Variants in VIP observed in about 807,000 individuals in gnomAD.
The protein encoded by VIP is vasoactive intestinal peptide, also known as VIP peptides.
Under a neutral mutation model 20.1 loss-of-function variants are expected in VIP, and 18 were observed. The observed-to-expected ratio is 0.90, with a 90% CI of 0.62 to 1.33. The LOEUF (loss-of-function observed/expected upper bound fraction) is 1.33, where lower values mean the gene tolerates loss of function less well. VIP is among the 40% of genes most tolerant of loss of function. VIP has a pLI of 0.00. For synonymous variants in VIP, 70 were observed against 68.1 expected, an observed-to-expected ratio of 1.03 and a Z score of -0.14; for missense variants, 209 against 199.4, an observed-to-expected ratio of 1.05 and a Z score of -0.29.
At chr6:152,755,395 T>A (rs1479362707) in intron 4 of VIP, 22 bp downstream of exon 4, 1 of 1,356,370 alleles carries the variant, frequency 7.4e-7, no homozygotes, top group Admixed American at 2.2e-5. Context: ...TTATTATTTT[T>A]ATAAAATATG....
At chr6:152,755,007 T>C (rs1274368908) in intron 3 of VIP, among the ~76,000 whole-genome samples, 1 of 151,962 alleles carries the variant, frequency 6.6e-6, no homozygotes, top group African/African-American at 2.4e-5. Flanking sequence ...GATTCAACCA[T>C]GGAGGAATAT....
At chr6:152,755,638 C>A (rs1440667108) in intron 4 of VIP, among the ~76,000 whole-genome samples, 1 of 151,688 alleles carries the variant, frequency 6.6e-6, no homozygotes, top group South Asian at 2.1e-4. Context: ...TCAAATTGAA[C>A]AAGACTCAGT....
intron 2 of VIP, 92 bp from the exon 3 acceptor site, chr6:152,754,074 A>G (rs2099730050): frequency 7.3e-7 from 1 of 1,373,522 alleles, no homozygotes; most frequent in Non-Finnish European, 9.8e-7. Context: ...ACTTCCCAAG[A>G]GTCTAAGTAT....
Position 152,755,012 on chromosome 6 carries a change from G to A in VIP, c.231-257G>A, listed in dbSNP as rs185006101. On this transcript the variant is annotated intron_variant, in intron 3 of 6. Coordinates refer to ENST00000367244, the MANE Select transcript of VIP (RefSeq NM_003381.4). ...TAGTTATAAAGATTCAACCATGGAGGAATATTGAAATGTGCTCCTAGAAAT... is the reference window on the plus strand; with the variant it reads ...TAGTTATAAAGATTCAACCATGGAGAAATATTGAAATGTGCTCCTAGAAAT... Among the ~76,000 whole-genome samples the A allele has an allele frequency of 2.5e-3, 377 of 151,950 alleles. 3 individuals are homozygous for A. The highest frequency in any genetic ancestry group is 8.8e-3 in the African/African-American group (364 of 41,508).
Position 152,752,155 on chromosome 6 carries a change from T to C in VIP, c.-10-13T>C. On this transcript the variant is annotated splice_polypyrimidine_tract_variant and intron_variant, in intron 1 of 6. Coordinates refer to ENST00000367244, the MANE Select transcript of VIP (RefSeq NM_003381.4). ...CTTTGGCTGGAAGAACTGAGGTGAT[T>C]CTCTCTCTTTAGAGGCACAGAAATG... The C allele has an allele frequency of 6.3e-7, 1 of 1,599,462 alleles. No individual in the cohort carries two copies. Among genetic ancestry groups the C allele is most frequent in the Non-Finnish European group, 8.6e-7 (1 of 1,167,424 alleles).
chr6:152,756,388 C>T, intron 5 of VIP, 123 bp downstream of exon 5: 2 of 1,181,226 alleles, frequency 1.7e-6, no homozygotes, highest in South Asian at 1.9e-5. Flanking sequence ...GATTTTCAAC[C>T]TTGGCTGACA....
intron 2 of VIP, among the ~76,000 whole-genome samples, chr6:152,753,460 A>G (rs1394963993): frequency 1.3e-5 from 2 of 152,134 alleles, no homozygotes; most frequent in African/African-American, 4.8e-5. Context: ...CCATATATGC[A>G]TTTGACTATT....
Position 152,751,213 on chromosome 6 carries a change from A to G in VIP, c.-11+254A>G, listed in dbSNP as rs2099729572. Among the ~76,000 whole-genome samples the G allele has an allele frequency of 2.0e-5, 3 of 152,270 alleles. No homozygotes were observed. The South Asian group carries it at 6.2e-4, about 32-fold the overall frequency. Reference sequence around the variant, plus strand: ...TCTTTTACTGAATACTGATTTTTACAAATAATTCATTCAAGTAAAGTTTAC... The same window carrying G: ...TCTTTTACTGAATACTGATTTTTACGAATAATTCATTCAAGTAAAGTTTAC... On this transcript the variant is annotated intron_variant, in intron 1 of 6. Transcript: ENST00000367244.
chr6:152,754,925 T>G (rs913097032), intron 3 of VIP, among the ~76,000 whole-genome samples: 16 of 152,076 alleles, frequency 1.1e-4, no homozygotes, highest in East Asian at 1.9e-4. Context: ...CAAAGCACCA[T>G]GTACAAATAG....
intron 4 of VIP, 83 bp from the exon 5 acceptor site, chr6:152,756,051 G>A: frequency 7.3e-7 from 1 of 1,373,638 alleles, no homozygotes; most frequent in Non-Finnish European, 9.5e-7. Flanking sequence ...TGCTTTTTAT[G>A]TGGCTCCAAG....
intron 6 of VIP, among the ~76,000 whole-genome samples, chr6:152,758,259 GT>G (rs1030877192): frequency 6.6e-6 from 1 of 151,908 alleles, no homozygotes; most frequent in Non-Finnish European, 1.5e-5. Flanking sequence ...GTTATCTAAG[GT>G]TTTCAACAGT....
chr6:152,755,949 A>G (rs1026354694), intron 4 of VIP, among the ~76,000 whole-genome samples, 185 bp from the exon 5 acceptor site: 1 of 151,908 alleles, frequency 6.6e-6, no homozygotes, highest in African/African-American at 2.4e-5. Context: ...ATGCCAAAAT[A>G]TGGCAGATGA....
intron 2 of VIP, 73 bp downstream of exon 2, chr6:152,752,357 T>G (rs939083186): frequency 3.9e-6 from 5 of 1,285,192 alleles, no homozygotes; most frequent in Non-Finnish European, 4.4e-6. Context: ...TACATTTTGT[T>G]GGACAACTAA....
At chr6:152,752,408 A>G in intron 2 of VIP, 124 bp downstream of exon 2, 1 of 753,378 alleles carries the variant, frequency 1.3e-6, no homozygotes, top group Non-Finnish European at 2.0e-6. Context: ...TTTTTCCTTG[A>G]TGTGTTGAGT....
chr6:152,751,951 A>G (rs1241822814), intron 1 of VIP, among the ~76,000 whole-genome samples: 1 of 152,188 alleles, frequency 6.6e-6, no homozygotes, highest in Non-Finnish European at 1.5e-5. Context: ...GTGCCCAGAC[A>G]GCAGGTGAAA....
chr6:152,756,102 C>T (rs745379512), intron 4 of VIP, 32 bp from the exon 5 acceptor site: 20 of 1,485,930 alleles, frequency 1.3e-5, no homozygotes, highest in Non-Finnish European at 1.8e-5. Flanking sequence ...CTTGTGAAAA[C>T]TCTTTGATTT....
intron 5 of VIP, 82 bp from the exon 6 acceptor site, chr6:152,757,014 A>C (rs946132163): frequency 7.3e-7 from 1 of 1,362,580 alleles, no homozygotes; most frequent in Admixed American, 1.8e-5. Context: ...AGAGAACAGC[A>C]CATTCATTAT....
rs75263929 is a variant in VIP, at chr6:152,755,479, G to T, written c.335+106G>T. On this transcript the variant is annotated intron_variant, in intron 4 of 6. Coordinates refer to ENST00000367244, the MANE Select transcript of VIP (RefSeq NM_003381.4). ...TTACTTTGTTTGAAATTGAAAACTC[G>T]TTGATAATGTTTAATTTAGTTAAAT... 2.7e-5 allele frequency: 18 copies of T among 656,900 alleles called. 1 individual carries two copies. The South Asian group carries it at 5.4e-4, about 20-fold the overall frequency. 40.7% of individuals were successfully genotyped at this position (656,900 alleles called of 1,614,324 possible). A position where few individuals can be genotyped will look rare whatever the true frequency, so the allele number is the denominator to read the frequency against.
Position 152,757,175 on chromosome 6 carries a change from C to T in VIP, c.*34C>T. 6.2e-7 allele frequency: 1 copy of T among 1,605,796 alleles called. No individual in the cohort carries two copies. The highest frequency in any genetic ancestry group is 8.5e-7 in the Non-Finnish European group (1 of 1,174,170). Reference sequence around the variant, plus strand: ...ACCTTTGGAGCAAAGCTGATGACAACTTCCCAGTGGTGGGTATATTCGTGC... The same window carrying T: ...ACCTTTGGAGCAAAGCTGATGACAATTTCCCAGTGGTGGGTATATTCGTGC... On this transcript the variant is annotated 3_prime_UTR_variant, in exon 6 of 7. Transcript: ENST00000367244.
Sources: gnomAD v4.1 joint callset for allele counts (sites outside exome capture counted in the v4.1 genomes callset) on GRCh38, gnomAD v4.1.1 for gene constraint, MANE v1.5 for transcripts, NCBI Gene and HGNC (gene_info 2026-07-23, HGNC 2026-07-21) for gene names.